Variants in LSAMP observed in about 807,000 individuals in gnomAD.
LSAMP encodes limbic system-associated membrane protein.
A neutral mutation model predicts 38.6 loss-of-function variants in LSAMP; 7 were observed. The observed-to-expected ratio is 0.18, with a 90% confidence interval of 0.10 to 0.34. LSAMP has a LOEUF of 0.34. Ranked by LOEUF, LSAMP falls within the 10% of genes least tolerant of loss-of-function variation. LSAMP has a pLI of 1.00. For synonymous variants in LSAMP, 154 were observed against 166.8 expected, an observed-to-expected ratio of 0.92 and a Z score of 0.59; for missense variants, 313 against 420.0, an observed-to-expected ratio of 0.75 and a Z score of 2.23.
chr3:116,090,248 T>C (rs915298964), intron 1 of LSAMP, among the ~76,000 whole-genome samples: 2 of 151,106 alleles, frequency 1.3e-5, no homozygotes, highest in Admixed American at 6.6e-5. Context: ...AAAGAAAATA[T>C]AGTAAACCAG....
chr3:116,282,109 C>T (rs1474897541), intron 1 of LSAMP, among the ~76,000 whole-genome samples: 2 of 152,142 alleles, frequency 1.3e-5, no homozygotes, highest in African/African-American at 4.8e-5. Flanking sequence ...TGGTAAACTT[C>T]CATGCTCGGA....
At chr3:116,096,941 T>G (rs1708238148) in intron 1 of LSAMP, among the ~76,000 whole-genome samples, 1 of 152,244 alleles carries the variant, frequency 6.6e-6, no homozygotes, top group African/African-American at 2.4e-5. Flanking sequence ...CCGTATACAG[T>G]TGAGAGAGGA....
At chr3:116,025,712 T>A (rs959525224) in intron 2 of LSAMP, among the ~76,000 whole-genome samples, 66 of 152,138 alleles carry the variant, frequency 4.3e-4, no homozygotes, top group African/African-American at 1.5e-3. Context: ...CATATACTCT[T>A]TTGGTTTTCA....
intron 3 of LSAMP, among the ~76,000 whole-genome samples, chr3:115,972,901 G>C (rs1939064237): frequency 1.3e-5 from 2 of 149,182 alleles, no homozygotes; most frequent in African/African-American, 4.9e-5. Context: ...GTATTATTTT[G>C]AATTATATAT....
intron 1 of LSAMP, among the ~76,000 whole-genome samples, chr3:116,268,699 CTT>C (rs1559806165): frequency 3.5e-5 from 1 of 28,260 alleles, no homozygotes; most frequent in Non-Finnish European, 3.9e-4. Flanking sequence ...TTCTATTTTT[CTT>C]TCTTTCTTTA....
At chr3:116,106,114 T>G (rs1329971530) in intron 1 of LSAMP, among the ~76,000 whole-genome samples, 6 of 152,198 alleles carry the variant, frequency 3.9e-5, no homozygotes, top group Non-Finnish European at 5.9e-5. Flanking sequence ...ATAAAAGGTC[T>G]AAGAATTGGG....
intron 1 of LSAMP, among the ~76,000 whole-genome samples, chr3:116,346,529 AT>A (rs1329563876): frequency 6.6e-6 from 1 of 151,978 alleles, no homozygotes; most frequent in Non-Finnish European, 1.5e-5. Context: ...GGGTTTCACC[AT>A]GTTGTCCAGG....
At chr3:116,294,765 C>T (rs934045150) in intron 1 of LSAMP, among the ~76,000 whole-genome samples, 1 of 152,172 alleles carries the variant, frequency 6.6e-6, no homozygotes, top group African/African-American at 2.4e-5. Context: ...GCAGCCATTT[C>T]ACCATTAACA....
intron 1 of LSAMP, among the ~76,000 whole-genome samples, chr3:116,232,563 G>T (rs1284291547): frequency 6.6e-6 from 1 of 152,072 alleles, no homozygotes; most frequent in Admixed American, 6.5e-5. Flanking sequence ...CTTTATAAAG[G>T]TTTTGGCTTG....
chr3:116,395,904 T>C (rs1022057612), intron 1 of LSAMP, among the ~76,000 whole-genome samples: 37 of 152,292 alleles, frequency 2.4e-4, no homozygotes, highest in African/African-American at 7.9e-4. Flanking sequence ...ATAAAAATGA[T>C]ATGACAGCTT....
At chr3:115,992,065 G>A (rs1285585929) in intron 3 of LSAMP, among the ~76,000 whole-genome samples, 1 of 152,040 alleles carries the variant, frequency 6.6e-6, no homozygotes, top group East Asian at 1.9e-4. Context: ...GTTATTTATT[G>A]TCTTTGCCTC....
At chr3:116,255,276 T>A (rs1285174180) in intron 1 of LSAMP, among the ~76,000 whole-genome samples, 1 of 152,192 alleles carries the variant, frequency 6.6e-6, no homozygotes, top group Non-Finnish European at 1.5e-5. Flanking sequence ...AGGGCAGTTA[T>A]ATTTTATCAA....
chr3:116,363,792 C>A (rs1165426838), intron 1 of LSAMP, among the ~76,000 whole-genome samples: 1 of 149,992 alleles, frequency 6.7e-6, no homozygotes, highest in Non-Finnish European at 1.5e-5. Context: ...GCAGAAAAGG[C>A]CTTTGAAAAA....
At chr3:115,865,300 T>G (rs1039380316) in intron 3 of LSAMP, among the ~76,000 whole-genome samples, 10 of 152,138 alleles carry the variant, frequency 6.6e-5, no homozygotes, top group Non-Finnish European at 1.3e-4. Flanking sequence ...TATTTAAAAA[T>G]TACCCCTTTG....
At chr3:116,390,593 G>A (rs2048679659) in intron 1 of LSAMP, among the ~76,000 whole-genome samples, 1 of 151,962 alleles carries the variant, frequency 6.6e-6, no homozygotes, top group Non-Finnish European at 1.5e-5. Context: ...AGCTGGGCAT[G>A]GTGGCATGCA....
At chr3:116,430,292 A>G (rs1454183287) in intron 1 of LSAMP, among the ~76,000 whole-genome samples, 1 of 152,192 alleles carries the variant, frequency 6.6e-6, no homozygotes, top group East Asian at 1.9e-4. Context: ...TAGAGAACAT[A>G]TTTCCAAATG....
At chr3:115,985,470 G>C (rs1939483913) in intron 3 of LSAMP, among the ~76,000 whole-genome samples, 1 of 152,154 alleles carries the variant, frequency 6.6e-6, no homozygotes, top group Admixed American at 6.6e-5. Context: ...TGCTACTATT[G>C]GCTGCCTGTG....
chr3:116,098,714 C>A (rs1290350764), intron 1 of LSAMP, among the ~76,000 whole-genome samples: 1 of 152,164 alleles, frequency 6.6e-6, no homozygotes, highest in South Asian at 2.1e-4. Flanking sequence ...CCTTGTGTAA[C>A]ACCCTGTGTG....
At chr3:116,013,091 C>T (rs568439856) in intron 3 of LSAMP, among the ~76,000 whole-genome samples, 3 of 152,276 alleles carry the variant, frequency 2.0e-5, no homozygotes, top group Non-Finnish European at 4.4e-5. Context: ...AAACTAGTTC[C>T]CCAAGAACAC....
Sources: gnomAD v4.1 joint callset for allele counts (sites outside exome capture counted in the v4.1 genomes callset) on GRCh38, gnomAD v4.1.1 for gene constraint, MANE v1.5 for transcripts, NCBI Gene and HGNC (gene_info 2026-07-23, HGNC 2026-07-21) for gene names.